SP140L: variants seen among roughly 807,000 people sequenced by gnomAD.
SP140L encodes the protein nuclear body protein SP140-like protein.
A neutral mutation model predicts 84.3 loss-of-function variants in SP140L; 64 were observed. The ratio of observed to expected loss-of-function variants is 0.76; its 90% confidence interval spans 0.62 to 0.94. SP140L has a LOEUF of 0.94. Ranked by LOEUF, SP140L falls within the 40% of genes least tolerant of loss-of-function variation. The pLI is 0.00. For synonymous variants in SP140L, 242 were observed against 236.9 expected (o/e 1.02, Z -0.20); for missense variants, 628 against 692.5 (o/e 0.91, Z 1.05).
intron 18 of SP140L, 26 bp from the exon 19 acceptor site, chr2:230,402,771 GT>G (rs759220784): frequency 3.2e-6 from 5 of 1,559,286 alleles, no homozygotes; most frequent in Non-Finnish European, 4.4e-6. Flanking sequence ...AAGGAACATC[GT>G]TTTTGTCTTT....
intron 8 of SP140L, 104 bp from the exon 9 acceptor site, chr2:230,385,120 G>C: frequency 9.3e-7 from 1 of 1,075,434 alleles, no homozygotes; most frequent in Non-Finnish European, 1.4e-6. Context: ...CTGCTCGAGG[G>C]GATCCAGAGT....
chr2:230,377,064 A>G (rs1323606656), intron 7 of SP140L, among the ~76,000 whole-genome samples: 1 of 152,198 alleles, frequency 6.6e-6, no homozygotes, highest in East Asian at 1.9e-4. Context: ...GTTTTAACAA[A>G]TGTGTGCAGT....
chr2:230,338,872 T>C lies in SP140L; in HGVS notation c.107+10041T>C, dbSNP rs528945924. On this transcript the variant is annotated intron_variant, in intron 2 of 18. Transcript: ENST00000415673. ...CACTTGATCATGGTGGATAAGCTTTTTGATGTGCTGCTGGATTCGTTTTGC... is the reference window on the plus strand; with the variant it reads ...CACTTGATCATGGTGGATAAGCTTTCTGATGTGCTGCTGGATTCGTTTTGC... 6.4e-3 allele frequency among the ~76,000 whole-genome samples: 897 copies of C among 139,818 alleles called. 39 individuals carry two copies. The highest frequency in any genetic ancestry group is 0.023 in the African/African-American group (825 of 35,942). 91.7% of individuals were successfully genotyped at this position (139,818 alleles called of 152,430 possible). A position where few individuals can be genotyped will look rare whatever the true frequency, so the allele number is the denominator to read the frequency against.
At chr2:230,392,588 A>G (rs577255587) in intron 12 of SP140L, among the ~76,000 whole-genome samples, 48 of 152,364 alleles carry the variant, frequency 3.2e-4, no homozygotes, top group African/African-American at 1.1e-3. Flanking sequence ...ATGGCATGAA[A>G]ACAAGAACCA....
chr2:230,381,473 A>G (rs1481242444), intron 7 of SP140L, among the ~76,000 whole-genome samples: 18 of 152,158 alleles, frequency 1.2e-4, no homozygotes, highest in Non-Finnish European at 1.6e-4. Context: ...GCTTCTGGCA[A>G]ATTTCCTCAT....
intron 5 of SP140L, among the ~76,000 whole-genome samples, chr2:230,369,525 A>T (rs1169908609): frequency 6.6e-6 from 1 of 152,208 alleles, no homozygotes; most frequent in African/African-American, 2.4e-5. Flanking sequence ...TGCTGATTTT[A>T]TATAGAGTTT....
intron 2 of SP140L, among the ~76,000 whole-genome samples, chr2:230,335,591 T>A (rs2059846188): frequency 6.6e-6 from 1 of 152,226 alleles, no homozygotes; most frequent in African/African-American, 2.4e-5. Context: ...TGTGAGAGTC[T>A]ACTGTTGTTT....
intron 4 of SP140L, among the ~76,000 whole-genome samples, chr2:230,359,984 A>AAGTTTGGTATTGGTGCTATACCAAACTAC: frequency 1.3e-5 from 2 of 152,132 alleles, no homozygotes; most frequent in Admixed American, 6.5e-5. Context: ...TACCAAACTA[A>AAGTTTGGTATTGGTGCTATACCAAACTAC]AGTTTTGATT....
chr2:230,371,897 T>C, intron 7 of SP140L: 1 of 456,180 alleles, frequency 2.2e-6, no homozygotes, highest in African/African-American at 2.0e-5. Flanking sequence ...TGATCCTGGG[T>C]TATGTGGTGG....
At chr2:230,401,267 A>G in intron 16 of SP140L, 99 bp from the exon 17 acceptor site, 1 of 1,595,756 alleles carries the variant, frequency 6.3e-7, no homozygotes, top group Non-Finnish European at 8.5e-7. Flanking sequence ...CATGTTAGAG[A>G]AACTTGAGGA....
chr2:230,367,535 C>A (rs73110391), intron 5 of SP140L, among the ~76,000 whole-genome samples: 4,085 of 152,202 alleles, frequency 0.027, 209 homozygotes, highest in African/African-American at 0.093. Context: ...CTTCAATGAT[C>A]CTCCCACCTC....
chr2:230,354,290 T>C (rs532996722), intron 2 of SP140L, among the ~76,000 whole-genome samples: 36 of 152,340 alleles, frequency 2.4e-4, no homozygotes, highest in African/African-American at 8.4e-4. Flanking sequence ...AGGAAAATCA[T>C]ATGAATATCT....
At chr2:230,354,853 GAAAGAAAGAAA>G (rs2149722542) in intron 2 of SP140L, among the ~76,000 whole-genome samples, 2 of 53,066 alleles carry the variant, frequency 3.8e-5, no homozygotes, top group African/African-American at 6.6e-5. Context: ...AGAAAGGAAA[GAAAGAAAGAAA>G]GAAAGAAAGA....
rs904562700 is a variant in SP140L, at chr2:230,338,752, A to C, written c.107+9921A>C. On this transcript the variant is annotated intron_variant, in intron 2 of 18. Coordinates refer to ENST00000415673, the MANE Select transcript of SP140L (RefSeq NM_138402.6). ...GGCTTTTTCTGCATCTATTGAGATA[A>C]TCATGTGGTTTTTGTCTTTGGCTCT... 1.6e-4 allele frequency among the ~76,000 whole-genome samples: 22 copies of C among 135,486 alleles called. 3 individuals are homozygous for C. Among genetic ancestry groups the C allele is most frequent in the East Asian group, 1.0e-3 (5 of 4,768 alleles). 88.9% of individuals were successfully genotyped at this position (135,486 alleles called of 152,430 possible). A position where few individuals can be genotyped will look rare whatever the true frequency, so the allele number is the denominator to read the frequency against.
chr2:230,351,711 A>T (rs1301033422), intron 2 of SP140L, among the ~76,000 whole-genome samples: 1 of 151,754 alleles, frequency 6.6e-6, no homozygotes, highest in African/African-American at 2.4e-5. Context: ...CAGTGGTGTG[A>T]CCTCGGCTTA....
chr2:230,354,928 A>AAAG (rs2060496370), intron 2 of SP140L, among the ~76,000 whole-genome samples: 3 of 149,522 alleles, frequency 2.0e-5, no homozygotes, highest in East Asian at 4.1e-4. Context: ...AAAGAAAGAA[A>AAAG]AAAGAAAAAG....
At chr2:230,347,958 C>T (rs1424316141) in intron 2 of SP140L, among the ~76,000 whole-genome samples, 1 of 152,222 alleles carries the variant, frequency 6.6e-6, no homozygotes, top group African/African-American at 2.4e-5. Flanking sequence ...CCTGCCCTCA[C>T]TTCTTCATTT....
chr2:230,350,963 A>G (rs2060346598), intron 2 of SP140L, among the ~76,000 whole-genome samples: 1 of 152,224 alleles, frequency 6.6e-6, no homozygotes, highest in East Asian at 1.9e-4. Context: ...GAGTGTGACC[A>G]GGCAGAAGTG....
At position 230,373,945 on chromosome 2, in the gene SP140L, C is replaced by T. The variant is rs571038201; in HGVS notation, c.637+2294C>T. ...GAATTTGGAAGAAGTTGATTACAAC[C>T]CTTATTGATGACTTTGATGGGTTTA... On this transcript the variant is annotated intron_variant, in intron 7 of 18. Coordinates refer to ENST00000415673, the MANE Select transcript of SP140L (RefSeq NM_138402.6). Among the ~76,000 whole-genome samples the T allele has an allele frequency of 3.3e-5, 5 of 152,224 alleles. No individual in the cohort carries two copies. In the South Asian group the frequency reaches 8.3e-4, roughly 25 times the overall value.
Sources: allele counts gnomAD v4.1 joint callset (sites outside exome capture counted in the v4.1 genomes callset), GRCh38; gene constraint gnomAD v4.1.1; transcripts MANE v1.5; gene names NCBI Gene and HGNC (gene_info 2026-07-23, HGNC 2026-07-21).